Variants in CTDP1 observed in about 807,000 individuals in gnomAD.
CTDP1 encodes the protein CTD phosphatase 1, also known as RNA polymerase II subunit A C-terminal domain phosphatase.
A neutral mutation model predicts 91.8 loss-of-function variants in CTDP1; 47 were observed. The observed-to-expected ratio is 0.51, with a 90% CI of 0.41 to 0.65. The LOEUF (loss-of-function observed/expected upper bound fraction) is 0.65, where lower values mean the gene tolerates loss of function less well. Among genes scored for constraint, CTDP1 ranks in the 30% least tolerant of loss-of-function variants. The probability of loss-of-function intolerance (pLI) is 0.00; values close to 1 mark genes in which losing one functional copy is unlikely to be tolerated. For missense variants in CTDP1, 1,272 were observed against 1,373.7 expected (o/e 0.93, Z 1.17); for synonymous variants, 656 against 598.5 (o/e 1.10, Z -1.40).
intron 1 of CTDP1, among the ~76,000 whole-genome samples, chr18:79,694,015 G>A (rs1297380818): frequency 6.6e-6 from 1 of 152,206 alleles, no homozygotes; most frequent in Non-Finnish European, 1.5e-5. Flanking sequence ...TGATCCTTGC[G>A]CCCTCTCGAT....
chr18:79,739,915 T>C (rs865847159), intron 12 of CTDP1, among the ~76,000 whole-genome samples: 3 of 6 alleles, frequency 0.5, no homozygotes, highest in African/African-American at 0.5. Flanking sequence ...GGGACTCTCA[T>C]ACCCACGGCC....
rs761858971 is a variant in CTDP1 at position 79,714,766 on chromosome 18, G to T, written c.1306G>T (p.Ala436Ser). The change falls in exon 8 of 13, where the codon GCA becomes TCA. Residue 436 changes from alanine (A) to serine (S), a missense_variant. Around this residue, in one of 3 missense-constraint regions of CTDP1, gnomAD observed 881 missense variants for 911.6 expected, o/e 0.97. Coordinates refer to ENST00000613122, the MANE Select transcript of CTDP1 (RefSeq NM_004715.5). The part of the protein sequence containing the change: ...QGSCAQGGRV[A>S]PGQRPAQGAT... ...ATCCTGTGCGCAGGGTGGCCGGGTG[G>T]CACCGGGACAGCGGCCTGCCCAGGG... 3 of 1,602,412 alleles carry T rather than the reference G, an allele frequency of 1.9e-6. No individual in the cohort carries two copies. In the South Asian group the frequency reaches 3.3e-5, roughly 18 times the overall value.
intron 12 of CTDP1, among the ~76,000 whole-genome samples, chr18:79,738,975 C>T (rs764014061): frequency 2.0e-5 from 3 of 152,208 alleles, no homozygotes; most frequent in Non-Finnish European, 2.9e-5. Flanking sequence ...CTTCACTTTT[C>T]GGTGTAGACC....
chr18:79,724,146 C>T (rs369429402), intron 10 of CTDP1, among the ~76,000 whole-genome samples: 26 of 152,346 alleles, frequency 1.7e-4, no homozygotes, highest in South Asian at 1.4e-3. Flanking sequence ...TGACGTGGCC[C>T]TGGAAGGAAG....
chr18:79,717,859 G>A lies in CTDP1; in HGVS notation c.2260G>A (p.Ala754Thr), dbSNP rs142285723. 90 of 1,613,456 alleles carry A rather than the reference G, an allele frequency of 5.6e-5. No individual in the cohort carries two copies. Among genetic ancestry groups the A allele is most frequent in the African/African-American group, 3.6e-4 (27 of 74,918 alleles). Residue 754 changes from alanine to threonine, a missense_variant, in exon 10 of 13, where the codon GCC becomes ACC. By Grantham distance (58) the Ala-to-Thr change is moderately conservative. Coordinates refer to ENST00000613122, the MANE Select transcript of CTDP1 (RefSeq NM_004715.5). ...CGACCGGGAGGGTGTGCCCCCCACC[G>A]CCTTGTTCCACCCGATGCCGGTTCT... ...FPDREGVPPT[A>T]LFHPMPVLPK...
intron 4 of CTDP1, among the ~76,000 whole-genome samples, chr18:79,702,077 T>A (rs1241502266): frequency 4.6e-5 from 7 of 152,260 alleles, no homozygotes; most frequent in Admixed American, 4.6e-4. Context: ...CGGCAGGGTC[T>A]ACGAGGATTG....
In CTDP1 at chr18:79,753,851, G is replaced by A. The variant is rs1040319913; in HGVS notation, c.*61G>A. ...CCTCCAGCAGCACTCGGACGTCCCC[G>A]GACCAGCCCTCAGTCTCGGTCCACG... is the stretch of plus-strand genomic sequence containing the variant. On this transcript the variant is annotated 3_prime_UTR_variant, in exon 13 of 13. Coordinates refer to ENST00000613122, the MANE Select transcript of CTDP1 (RefSeq NM_004715.5). 2.1e-5 allele frequency: 33 copies of A among 1,580,854 alleles called. No individual in the cohort carries two copies. Among genetic ancestry groups the A allele is most frequent in the Non-Finnish European group, 2.1e-5 (25 of 1,163,734 alleles).
intron 5 of CTDP1, among the ~76,000 whole-genome samples, chr18:79,707,002 C>T (rs145165090): frequency 0.011 from 1,640 of 152,392 alleles, 13 homozygotes; most frequent in Middle Eastern, 0.024. Flanking sequence ...CTCCAGGTCT[C>T]TCTCTGAAGC....
chr18:79,747,687 C>T lies in CTDP1; in HGVS notation c.2748-5965C>T, dbSNP rs139246308. Among the ~76,000 whole-genome samples the T allele has an allele frequency of 1.6e-4, 24 of 152,362 alleles. No homozygotes were observed. The East Asian group carries it at 4.2e-3, about 27-fold the overall frequency. On this transcript the variant is annotated intron_variant, in intron 12 of 12. Transcript: ENST00000613122. ...TGGGGAAATTATCCGCCATGCGCAGCGCCTCCTGCAGGTGTCCGGTGCGTG... is the reference window on the plus strand; with the variant it reads ...TGGGGAAATTATCCGCCATGCGCAGTGCCTCCTGCAGGTGTCCGGTGCGTG...
chr18:79,692,439 T>C (rs11081555), intron 1 of CTDP1, among the ~76,000 whole-genome samples: 81,920 of 152,034 alleles, frequency 0.54, 22,381 homozygotes, highest in Middle Eastern at 0.65. Context: ...ATTGAGATTC[T>C]AGGTTTTCTG....
intron 1 of CTDP1, among the ~76,000 whole-genome samples, chr18:79,690,898 T>C (rs934920723): frequency 5.3e-5 from 8 of 152,218 alleles, no homozygotes; most frequent in Non-Finnish European, 1.0e-4. Context: ...ACGTGGCCAG[T>C]ATGCGAGTGA....
intron 12 of CTDP1, among the ~76,000 whole-genome samples, chr18:79,739,147 G>A (rs1476187111): frequency 1.3e-5 from 2 of 152,380 alleles, no homozygotes; most frequent in African/African-American, 4.8e-5. Context: ...AGTATCTGCG[G>A]ATTTGCAGCG....
rs1409878136 is a variant in CTDP1 at position 79,695,321 on chromosome 18, A to G, written c.398+13A>G. ...AAGACCTCACCCAGTAAGTATCCGGAAGAGTGAGATCGCTGCCTGCTGGGG... is the reference window on the plus strand; with the variant it reads ...AAGACCTCACCCAGTAAGTATCCGGGAGAGTGAGATCGCTGCCTGCTGGGG... On this transcript the variant is annotated intron_variant, in intron 2 of 12. Transcript: ENST00000613122. The G allele has an allele frequency of 1.9e-6, 3 of 1,613,178 alleles. No homozygotes were observed. The highest frequency in any genetic ancestry group is 2.5e-6 in the Non-Finnish European group (3 of 1,179,350).
intron 12 of CTDP1, among the ~76,000 whole-genome samples, chr18:79,740,161 C>T (rs981807003): frequency 4.2e-5 from 6 of 142,304 alleles, no homozygotes; most frequent in Admixed American, 7.2e-5. Context: ...CTCATACCCA[C>T]GGCCGGGACG....
At chr18:79,727,232 A>G (rs2086467277) in intron 10 of CTDP1, among the ~76,000 whole-genome samples, 3 of 152,216 alleles carry the variant, frequency 2.0e-5, no homozygotes, top group Admixed American at 2.0e-4. Flanking sequence ...TTCAGTTTAA[A>G]ATAACAGTGC....
At chr18:79,716,953 AGCCCTGGTGGGGTGCAGCCGGGTGAGG>A (rs762366075) in intron 8 of CTDP1, among the ~76,000 whole-genome samples, 19 of 152,244 alleles carry the variant, frequency 1.2e-4, no homozygotes, top group African/African-American at 2.9e-4. Flanking sequence ...TGCAGTGGGC[AGCCCTGGTGGGGTGCAGCCGGGTGAGG>A]GCCCTGGTGG....
intron 1 of CTDP1, among the ~76,000 whole-genome samples, chr18:79,691,501 G>A (rs910053111): frequency 6.1e-5 from 9 of 148,266 alleles, no homozygotes; most frequent in Admixed American, 2.0e-4. Context: ...GGGTGGACTC[G>A]GGGTGGGGAG....
intron 5 of CTDP1, among the ~76,000 whole-genome samples, chr18:79,709,405 A>T (rs1008059183): frequency 6.6e-6 from 1 of 152,246 alleles, no homozygotes; most frequent in African/African-American, 2.4e-5. Flanking sequence ...CCCAGAGCAG[A>T]GGTGATCCCA....
intron 3 of CTDP1, 110 bp from the exon 4 acceptor site, chr18:79,697,750 G>A (rs2122507236): frequency 6.6e-7 from 1 of 1,515,200 alleles, no homozygotes; most frequent in African/African-American, 1.4e-5. Flanking sequence ...GGAGCGTGGG[G>A]GGCTGGAGGG....
Sources: gnomAD v4.1 joint callset for allele counts (sites outside exome capture counted in the v4.1 genomes callset) on GRCh38, gnomAD v4.1.1 for gene constraint, gnomAD v4.1.1 regional missense constraint, MANE v1.5 for transcripts, NCBI Gene and HGNC (gene_info 2026-07-23, HGNC 2026-07-21) for gene names.